ZMYND8: variants seen among roughly 807,000 people sequenced by gnomAD.
ZMYND8 encodes the protein MYND-type zinc finger-containing chromatin reader ZMYND8.
In ZMYND8, 37 loss-of-function variants were observed where a neutral mutation model predicts 140.8. The ratio of observed to expected loss-of-function variants is 0.26; its 90% CI spans 0.20 to 0.35. The LOEUF (loss-of-function observed/expected upper bound fraction) is 0.35, where lower values mean the gene tolerates loss of function less well. Ranked by LOEUF, ZMYND8 falls within the 10% of genes least tolerant of loss-of-function variation. The probability of loss-of-function intolerance (pLI) is 1.00; values close to 1 mark genes in which losing one functional copy is unlikely to be tolerated. For missense variants in ZMYND8, 1,068 were observed against 1,570.0 expected (o/e 0.68, Z 5.40); for synonymous variants, 592 against 597.1 (o/e 0.99, Z 0.12).
chr20:47,341,645 A>C (rs915451436), intron 2 of ZMYND8, among the ~76,000 whole-genome samples: 4 of 150,330 alleles, frequency 2.7e-5, no homozygotes, highest in African/African-American at 9.9e-5. Context: ...CCGAGGTGGG[A>C]GGATCACAAG....
rs189054482 is a variant in ZMYND8 at position 47,344,051 on chromosome 20, G to A, written c.85+3805C>T. On this transcript the variant is annotated intron_variant, in intron 2 of 22. Transcript: ENST00000471951. ...ATGGTCTCAGCTAACTACAACCTCCGTCTCCACCCCCTCCACCCCGGGTTC... is the reference window on the plus strand; with the variant it reads ...ATGGTCTCAGCTAACTACAACCTCCATCTCCACCCCCTCCACCCCGGGTTC... Among the ~76,000 whole-genome samples, 504 of 139,490 alleles carry A rather than the reference G, an allele frequency of 3.6e-3. 6 individuals are homozygous for A. Among genetic ancestry groups the A allele is most frequent in the Non-Finnish European group, 2.3e-3 (150 of 66,338 alleles). The allele number at this position is 139,490 out of a possible 152,430, so 91.5% of individuals were successfully genotyped here.
intron 1 of ZMYND8, chr20:47,351,610 T>C: frequency 1.1e-6 from 1 of 949,656 alleles, no homozygotes; most frequent in South Asian, 4.9e-5. Context: ...ATAGTGAACA[T>C]CAAAATTAAA....
At chr20:47,259,289 T>C (rs188376841) in intron 12 of ZMYND8, among the ~76,000 whole-genome samples, 1 of 152,264 alleles carries the variant, frequency 6.6e-6, no homozygotes, top group Admixed American at 6.5e-5. Flanking sequence ...CGTGTGTCCC[T>C]TTTCACTCAA....
chr20:47,331,272 A>G (rs1161010550), intron 2 of ZMYND8, among the ~76,000 whole-genome samples: 1 of 152,252 alleles, frequency 6.6e-6, no homozygotes, highest in African/African-American at 2.4e-5. Flanking sequence ...AGATAGAGAT[A>G]GTGAGAACAA....
At chr20:47,337,515 A>G (rs2081479595) in intron 2 of ZMYND8, among the ~76,000 whole-genome samples, 1 of 152,190 alleles carries the variant, frequency 6.6e-6, no homozygotes, top group Non-Finnish European at 1.5e-5. Flanking sequence ...TTAATAAATA[A>G]ATAAAGATAA....
At chr20:47,224,234 C>A in intron 19 of ZMYND8, 83 bp downstream of exon 19, 1 of 1,575,040 alleles carries the variant, frequency 6.3e-7, no homozygotes, top group Non-Finnish European at 8.6e-7. Context: ...TGACAATTAG[C>A]CCTGAGACCC....
chr20:47,310,881 A>G (rs1314593991), intron 2 of ZMYND8, among the ~76,000 whole-genome samples: 1 of 151,582 alleles, frequency 6.6e-6, no homozygotes, highest in Non-Finnish European at 1.5e-5. Flanking sequence ...AGATGGAAAC[A>G]TGTGCAATCG....
At chr20:47,315,207 G>A (rs550442789) in intron 2 of ZMYND8, among the ~76,000 whole-genome samples, 2 of 152,300 alleles carry the variant, frequency 1.3e-5, no homozygotes, top group Admixed American at 6.5e-5. Context: ...GGGGGAAACT[G>A]AGGTTCTGCT....
At chr20:47,341,574 A>C (rs1310841898) in intron 2 of ZMYND8, among the ~76,000 whole-genome samples, 1 of 149,938 alleles carries the variant, frequency 6.7e-6, no homozygotes, top group Non-Finnish European at 1.5e-5. Flanking sequence ...TTCCAGTAGC[A>C]ATGAGCACAC....
intron 21 of ZMYND8, among the ~76,000 whole-genome samples, chr20:47,214,650 C>T (rs183044070): frequency 1.7e-4 from 26 of 152,232 alleles, no homozygotes; most frequent in Admixed American, 1.2e-3. Context: ...TGTGTCACCA[C>T]GCCTAGCTAA....
intron 20 of ZMYND8, 21 bp from the exon 21 acceptor site, chr20:47,220,345 A>G: frequency 6.5e-7 from 1 of 1,547,028 alleles, no homozygotes; most frequent in South Asian, 1.2e-5. Flanking sequence ...AAAAAGAAAA[A>G]GATGGACTCA....
chr20:47,220,307 G>T lies in ZMYND8; in HGVS notation c.3435C>A (p.Gly1145=). Residue 1145 remains glycine, a synonymous_variant, in exon 21 of 23, where the codon GGC becomes GGA. Coordinates refer to ENST00000471951, the MANE Select transcript of ZMYND8 (RefSeq NM_001281775.3). The stretch of plus-strand genomic sequence containing the variant: ...GAATGGAGGAGGGCGTCTCTCTGGA[G>T]CCAGAAAGGTCAAGGGTCTAGAAAT... The part of the protein sequence containing the change: ...KESGSTLDLS[G]SRETPSSILL... 1 of 1,562,348 alleles carries T rather than the reference G, an allele frequency of 6.4e-7. No individual in the cohort carries two copies.
In ZMYND8 at chr20:47,350,623, GA is replaced by G. The variant is rs573355539; in HGVS notation, c.15-2698del. On this transcript the variant is annotated intron_variant, in intron 1 of 22. Transcript: ENST00000471951. ...TTAAGAACTGTTCAGTCATTTGGGGGAAAAAAAACAGTCAAATAATTCTTAA... is the reference window on the plus strand; with the variant it reads ...TTAAGAACTGTTCAGTCATTTGGGGGAAAAAAACAGTCAAATAATTCTTAA... Among the ~76,000 whole-genome samples the G allele has an allele frequency of 2.2e-3, 328 of 151,492 alleles. 1 individual carries two copies. Among genetic ancestry groups the G allele is most frequent in the Middle Eastern group, 0.017 (5 of 292 alleles).
At chr20:47,304,270 G>C (rs1601752345) in intron 3 of ZMYND8, among the ~76,000 whole-genome samples, 5 of 152,310 alleles carry the variant, frequency 3.3e-5, no homozygotes, top group Admixed American at 6.5e-5. Flanking sequence ...CTGTCTATTT[G>C]CTTCTGGAAT....
chr20:47,297,021 A>G, intron 4 of ZMYND8, among the ~76,000 whole-genome samples: 1 of 152,166 alleles, frequency 6.6e-6, no homozygotes, highest in East Asian at 1.9e-4. Context: ...CATCTTTGTA[A>G]TATCATTAAA....
chr20:47,319,260 G>C (rs997453628), intron 2 of ZMYND8: 1 of 351,834 alleles, frequency 2.8e-6, no homozygotes, highest in African/African-American at 2.1e-5. Context: ...ACAGCAGCTC[G>C]GCTGAGCTGA....
At chr20:47,275,742 G>A (rs138904688) in intron 11 of ZMYND8, among the ~76,000 whole-genome samples, 1 of 151,934 alleles carries the variant, frequency 6.6e-6, no homozygotes, top group Non-Finnish European at 1.5e-5. Context: ...AGAGTAGCTA[G>A]GACTATAGAC....
Position 47,249,157 on chromosome 20 carries a change from C to T in ZMYND8, c.1774+130G>A, listed in dbSNP as rs1168491060. ...TGAGTGGAAATATATTTTAGCTGAG[C>T]AAATAGTTGAAAGTTAAAGCAGCTG... On this transcript the variant is annotated intron_variant, in intron 13 of 22. Coordinates refer to ENST00000471951, the MANE Select transcript of ZMYND8 (RefSeq NM_001281775.3). 3.6e-6 allele frequency: 4 copies of T among 1,116,468 alleles called. No individual in the cohort carries two copies. The Admixed American group carries it at 8.0e-5, about 22-fold the overall frequency. 69.2% of individuals were successfully genotyped at this position (1,116,468 alleles called of 1,614,324 possible).
chr20:47,227,731 TG>T (rs1434196991), intron 17 of ZMYND8, among the ~76,000 whole-genome samples: 3 of 152,220 alleles, frequency 2.0e-5, no homozygotes, highest in African/African-American at 7.2e-5. Flanking sequence ...AGTGTAACTT[TG>T]GATCCAAACT....
Sources: allele counts gnomAD v4.1 joint callset (sites outside exome capture counted in the v4.1 genomes callset), GRCh38; gene constraint gnomAD v4.1.1; transcripts MANE v1.5; gene names NCBI Gene and HGNC (gene_info 2026-07-23, HGNC 2026-07-21).